The following PAPPA2 variants were observed in gnomAD, a reference collection of about 807,000 sequenced individuals.
PAPPA2 encodes pappalysin 2, also known as pappalysin-2.
In PAPPA2, 86 loss-of-function variants were observed where a neutral mutation model predicts 176.4. That is an observed-to-expected ratio of 0.49 (90% confidence interval 0.41 to 0.58). The LOEUF (loss-of-function observed/expected upper bound fraction) is 0.58, where lower values mean the gene tolerates loss of function less well. Ranked by LOEUF, PAPPA2 falls within the 20% of genes least tolerant of loss-of-function variation. The probability of loss-of-function intolerance (pLI) is 0.00; values close to 1 mark genes in which losing one functional copy is unlikely to be tolerated. For missense variants in PAPPA2, 2,073 were observed against 2,256.9 expected, an observed-to-expected ratio of 0.92 and a Z score of 1.65; for synonymous variants, 809 against 852.2, an observed-to-expected ratio of 0.95 and a Z score of 0.88.
chr1:176,466,836 A>G (rs1651643248), intron 1 of PAPPA2, among the ~76,000 whole-genome samples: 1 of 152,112 alleles, frequency 6.6e-6, no homozygotes, highest in Admixed American at 6.5e-5. Flanking sequence ...GGAGGGAGAA[A>G]AAGAGTTTCC....
At chr1:176,464,372 T>C (rs1005284975) in intron 1 of PAPPA2, among the ~76,000 whole-genome samples, 5 of 152,298 alleles carry the variant, frequency 3.3e-5, no homozygotes, top group African/African-American at 7.2e-5. Context: ...TTTCAACAAG[T>C]ATTTATTGAG....
intron 1 of PAPPA2, among the ~76,000 whole-genome samples, chr1:176,501,798 C>T (rs1432071410): frequency 6.6e-6 from 1 of 152,148 alleles, no homozygotes; most frequent in African/African-American, 2.4e-5. Flanking sequence ...TAATGGTTTT[C>T]CTGTGGTCCA....
chr1:176,765,297 G>C (rs1289902937), intron 14 of PAPPA2, among the ~76,000 whole-genome samples: 1 of 152,090 alleles, frequency 6.6e-6, no homozygotes, highest in African/African-American at 2.4e-5. Context: ...TCCTGGATTT[G>C]TTCTAATTGC....
chr1:176,670,943 C>G (rs1298933665), intron 3 of PAPPA2, 27 bp from the exon 4 acceptor site: 1 of 1,612,622 alleles, frequency 6.2e-7, no homozygotes, highest in East Asian at 2.2e-5. Flanking sequence ...TTTGCTGTGA[C>G]ATTTTTTCAT....
chr1:176,764,326 G>T (rs1663835292), intron 14 of PAPPA2, among the ~76,000 whole-genome samples: 1 of 152,166 alleles, frequency 6.6e-6, no homozygotes, highest in Non-Finnish European at 1.5e-5. Flanking sequence ...CAAAAAAGTG[G>T]GGTGACAAAC....
intron 1 of PAPPA2, among the ~76,000 whole-genome samples, chr1:176,554,304 GTGAC>G (rs1458490958): frequency 6.6e-6 from 1 of 152,224 alleles, no homozygotes; most frequent in Admixed American, 6.5e-5. Flanking sequence ...AACACAAGCA[GTGAC>G]TTTAAAAGTG....
chr1:176,821,066 C>G (rs766271333), intron 21 of PAPPA2, among the ~76,000 whole-genome samples: 2 of 152,110 alleles, frequency 1.3e-5, no homozygotes, highest in Admixed American at 6.6e-5. Context: ...AATGTCATAG[C>G]CTTCTTCTCA....
At position 176,671,115 on chromosome 1, in the gene PAPPA2, G is replaced by T; in HGVS notation, c.2137G>T (p.Gly713Cys). 1 of 1,613,444 alleles carries T rather than the reference G, an allele frequency of 6.2e-7. No homozygotes were observed. The highest frequency in any genetic ancestry group is 8.5e-7 in the Non-Finnish European group (1 of 1,179,716). Residue 713 changes from glycine (G) to cysteine (C), a missense_variant and splice_region_variant, in exon 4 of 23, where the codon GGT becomes TGT. Around this residue, in one of 4 missense-constraint regions of PAPPA2, gnomAD observed 1,196 missense variants for 1,330.4 expected, o/e 0.90. Coordinates refer to ENST00000367662, the MANE Select transcript of PAPPA2 (RefSeq NM_020318.3). ...PWDKDAVTHL[G>C]GIVLSPAYYG... Reference sequence around the variant, plus strand: ...GGACAAGGACGCTGTCACTCACCTGGGTAAGTGAAATGAAGACCAAACATA... The same window carrying T: ...GGACAAGGACGCTGTCACTCACCTGTGTAAGTGAAATGAAGACCAAACATA...
chr1:176,674,745 T>G (rs560980232), intron 4 of PAPPA2, among the ~76,000 whole-genome samples: 1 of 151,928 alleles, frequency 6.6e-6, no homozygotes, highest in East Asian at 1.9e-4. Context: ...TTTTTTTTTT[T>G]TTTTCTTTTC....
intron 17 of PAPPA2, among the ~76,000 whole-genome samples, chr1:176,778,295 A>T (rs945651764): frequency 2.6e-5 from 4 of 152,200 alleles, no homozygotes; most frequent in Admixed American, 6.5e-5. Context: ...GATCAAGGAA[A>T]ATAGGGGAAA....
chr1:176,769,837 C>G, intron 16 of PAPPA2, 53 bp downstream of exon 16: 1 of 1,501,346 alleles, frequency 6.7e-7, no homozygotes. Flanking sequence ...ATCCCTCGCT[C>G]TTGAGGGTAC....
chr1:176,631,718 G>A (rs1460592211), intron 3 of PAPPA2, among the ~76,000 whole-genome samples: 2 of 152,140 alleles, frequency 1.3e-5, no homozygotes, highest in Non-Finnish European at 2.9e-5. Flanking sequence ...CAGCGGGTAA[G>A]AGTGAATGGA....
intron 2 of PAPPA2, among the ~76,000 whole-genome samples, chr1:176,588,591 C>T (rs996512441): frequency 5.9e-5 from 9 of 152,146 alleles, no homozygotes; most frequent in Non-Finnish European, 1.2e-4. Flanking sequence ...AGCTGTAATT[C>T]GTGCTAGTGA....
At chr1:176,562,468 C>T (rs1203406271) in intron 2 of PAPPA2, among the ~76,000 whole-genome samples, 1 of 152,166 alleles carries the variant, frequency 6.6e-6, no homozygotes, top group Non-Finnish European at 1.5e-5. Context: ...CCAGAATCTT[C>T]CTGAAGATGA....
intron 12 of PAPPA2, among the ~76,000 whole-genome samples, chr1:176,725,884 G>T (rs979858499): frequency 2.0e-5 from 3 of 152,192 alleles, no homozygotes; most frequent in African/African-American, 7.2e-5. Flanking sequence ...GGGTTCACAC[G>T]TTCTCCCGCC....
chr1:176,729,772 A>G (rs919311614), intron 12 of PAPPA2, among the ~76,000 whole-genome samples: 2 of 152,130 alleles, frequency 1.3e-5, no homozygotes, highest in African/African-American at 4.8e-5. Context: ...CTCCTTGTTG[A>G]GAAAAAATAT....
At chr1:176,479,132 A>G (rs996464758) in intron 1 of PAPPA2, among the ~76,000 whole-genome samples, 4 of 152,208 alleles carry the variant, frequency 2.6e-5, no homozygotes, top group Non-Finnish European at 5.9e-5. Context: ...TGTCAGGTAG[A>G]TACTATTATC....
chr1:176,569,888 C>G (rs931582569), intron 2 of PAPPA2, among the ~76,000 whole-genome samples: 23 of 152,176 alleles, frequency 1.5e-4, no homozygotes, highest in African/African-American at 5.5e-4. Context: ...TCAGTAGTAT[C>G]TAGAAGGAGG....
intron 14 of PAPPA2, among the ~76,000 whole-genome samples, chr1:176,752,354 A>T (rs995559737): frequency 2.6e-5 from 4 of 151,730 alleles, no homozygotes; most frequent in Admixed American, 1.3e-4. Context: ...AAAAAAAAAA[A>T]AAAAAAAAAA....
Sources: gnomAD v4.1 joint callset for allele counts (sites outside exome capture counted in the v4.1 genomes callset) on GRCh38, gnomAD v4.1.1 for gene constraint, gnomAD v4.1.1 regional missense constraint, MANE v1.5 for transcripts, NCBI Gene and HGNC (gene_info 2026-07-23, HGNC 2026-07-21) for gene names.